GPHN: variants seen among roughly 807,000 people sequenced by gnomAD.
GPHN encodes gephyrin.
A neutral mutation model predicts 95.5 loss-of-function variants in GPHN; 17 were observed. That is an observed-to-expected ratio of 0.18 (90% CI 0.12 to 0.27). The LOEUF is 0.27. Among genes scored for constraint, GPHN ranks in the 10% least tolerant of loss-of-function variants. GPHN has a pLI of 1.00. For missense variants in GPHN, 660 were observed against 978.1 expected (o/e 0.67, Z 4.34); for synonymous variants, 320 against 322.5 (o/e 0.99, Z 0.08).
the GPHN span, among the ~76,000 whole-genome samples, chr14:67,426,211 C>T: frequency 6.6e-6 from 1 of 152,126 alleles, no homozygotes; most frequent in East Asian, 1.9e-4. Context: ...ACAACAGTCT[C>T]GAAAAGATTC....
chr14:66,759,059 A>G (rs1019593849), intron 2 of GPHN, among the ~76,000 whole-genome samples: 5 of 152,174 alleles, frequency 3.3e-5, no homozygotes, highest in African/African-American at 1.2e-4. Flanking sequence ...TGGCTTGAAT[A>G]TTTGCATAAA....
intron 1 of GPHN, among the ~76,000 whole-genome samples, chr14:66,592,178 A>G (rs1471805147): frequency 3.3e-5 from 5 of 152,222 alleles, no homozygotes; most frequent in Non-Finnish European, 7.3e-5. Context: ...ACTTAAATGT[A>G]AGACCTAAAA....
chr14:67,016,194 A>G (rs1280957779), intron 9 of GPHN, among the ~76,000 whole-genome samples: 1 of 152,080 alleles, frequency 6.6e-6, no homozygotes, highest in Non-Finnish European at 1.5e-5. Flanking sequence ...TCTGCCATGG[A>G]CCCATGTGGT....
chr14:66,991,384 T>A (rs2071408481), intron 9 of GPHN, among the ~76,000 whole-genome samples: 1 of 152,038 alleles, frequency 6.6e-6, no homozygotes, highest in Middle Eastern at 3.2e-3. Flanking sequence ...TTCCATTTAG[T>A]CAAATGGATG....
the GPHN span, chr14:67,393,184 C>T: frequency 6.2e-7 from 1 of 1,614,000 alleles, no homozygotes; most frequent in South Asian, 1.1e-5. Context: ...TTCCCTGCTC[C>T]ATGTTGGGGC....
chr14:66,824,994 C>G (rs1379725778), intron 4 of GPHN, among the ~76,000 whole-genome samples: 2 of 152,078 alleles, frequency 1.3e-5, no homozygotes, highest in Non-Finnish European at 2.9e-5. Flanking sequence ...TTTTACAGTA[C>G]TTTTGTTGAA....
At chr14:66,919,281 A>G (rs1430784107) in intron 6 of GPHN, among the ~76,000 whole-genome samples, 1 of 152,158 alleles carries the variant, frequency 6.6e-6, no homozygotes, top group Non-Finnish European at 1.5e-5. Flanking sequence ...CTTTTTTTAA[A>G]CAACTTCAGT....
chr14:67,610,791 C>T, the GPHN span, among the ~76,000 whole-genome samples: 1 of 152,158 alleles, frequency 6.6e-6, no homozygotes, highest in East Asian at 1.9e-4. Context: ...TCCCTGCCTA[C>T]CAAAGTACCC....
At chr14:67,268,336 C>T in the GPHN span, among the ~76,000 whole-genome samples, 1 of 152,150 alleles carries the variant, frequency 6.6e-6, no homozygotes, top group African/African-American at 2.4e-5. Flanking sequence ...TCATCTGTTA[C>T]CCGAAGGGGG....
At chr14:67,124,900 C>G (rs1041198564) in intron 17 of GPHN, among the ~76,000 whole-genome samples, 1 of 151,876 alleles carries the variant, frequency 6.6e-6, no homozygotes, top group Non-Finnish European at 1.5e-5. Flanking sequence ...CATTGAAAGG[C>G]CAACATGTTG....
intron 21 of GPHN, among the ~76,000 whole-genome samples, chr14:67,173,539 C>A (rs1760883885): frequency 6.6e-6 from 1 of 152,144 alleles, no homozygotes. Flanking sequence ...AGCTGGCACA[C>A]TAAAACCCAA....
At chr14:67,646,748 T>G in the GPHN span, 1 of 1,601,248 alleles carries the variant, frequency 6.2e-7, no homozygotes, top group African/African-American at 1.3e-5. Flanking sequence ...AGTAAGTTGA[T>G]GCATTTGGCT....
At chr14:66,780,084 A>G (rs2059551159) in intron 3 of GPHN, among the ~76,000 whole-genome samples, 1 of 152,196 alleles carries the variant, frequency 6.6e-6, no homozygotes, top group African/African-American at 2.4e-5. Flanking sequence ...TTTAGGGGAA[A>G]TTGGAAAGAT....
At chr14:66,545,325 G>C (rs1279817127) in intron 1 of GPHN, among the ~76,000 whole-genome samples, 1 of 134,480 alleles carries the variant, frequency 7.4e-6, no homozygotes, top group Admixed American at 7.2e-5. Flanking sequence ...GCGGCTGGCC[G>C]GGCAGGGGGC....
chr14:66,659,126 T>C (rs2065480762), intron 1 of GPHN, among the ~76,000 whole-genome samples: 1 of 152,000 alleles, frequency 6.6e-6, no homozygotes, highest in South Asian at 2.1e-4. Flanking sequence ...ATTTTTGATA[T>C]ATCTTATTTT....
the GPHN span, chr14:67,208,422 G>A: frequency 6.2e-7 from 1 of 1,613,934 alleles, no homozygotes; most frequent in South Asian, 1.1e-5. Flanking sequence ...GATTTTCAGA[G>A]CACAGCTCTC....
At chr14:67,665,284 A>T in the GPHN span, among the ~76,000 whole-genome samples, 1 of 132,342 alleles carries the variant, frequency 7.6e-6, no homozygotes, top group Non-Finnish European at 1.6e-5. Context: ...TTTTTGAGAC[A>T]GTCTCACTCA....
intron 1 of GPHN, among the ~76,000 whole-genome samples, chr14:66,566,923 T>C (rs1254241744): frequency 6.6e-6 from 1 of 152,056 alleles, no homozygotes; most frequent in African/African-American, 2.4e-5. Flanking sequence ...GACTGGAAAT[T>C]AAGGTGAAAA....
chr14:67,319,866 T>G, the GPHN span, among the ~76,000 whole-genome samples: 1 of 152,208 alleles, frequency 6.6e-6, no homozygotes, highest in Admixed American at 6.5e-5. Flanking sequence ...ACAACCTTCT[T>G]AAGTAGAATA....
Sources: allele counts gnomAD v4.1 joint callset (sites outside exome capture counted in the v4.1 genomes callset), GRCh38; gene constraint gnomAD v4.1.1; transcripts MANE v1.5; gene names NCBI Gene and HGNC (gene_info 2026-07-23, HGNC 2026-07-21).